The following LRRC37A2 variants were observed in gnomAD, a reference collection of about 807,000 sequenced individuals.
LRRC37A2 encodes leucine rich repeat containing 37 member A2, also known as leucine-rich repeat-containing protein 37A2.
In LRRC37A2, 9 loss-of-function variants were observed where a neutral mutation model predicts 68.8. That is an observed-to-expected ratio of 0.13 (90% confidence interval 0.08 to 0.23). The LOEUF is 0.23. Ranked by LOEUF, LRRC37A2 falls within the 10% of genes least tolerant of loss-of-function variation. The pLI, the probability that LRRC37A2 is intolerant of heterozygous loss-of-function variation, is 1.00. For missense variants in LRRC37A2, 168 were observed against 950.4 expected (o/e 0.18, Z 10.82); for synonymous variants, 63 against 367.6 (o/e 0.17, Z 9.48).
chr17:46,918,879 C>T, the LRRC37A2 span, among the ~76,000 whole-genome samples: 54,566 of 151,940 alleles, frequency 0.36, 10,028 homozygotes, highest in South Asian at 0.48. Flanking sequence ...CTTTTGTGTA[C>T]GCTGTTTCCT....
chr17:46,934,555 C>G, the LRRC37A2 span, among the ~76,000 whole-genome samples: 2 of 152,148 alleles, frequency 1.3e-5, no homozygotes, highest in African/African-American at 4.8e-5. Flanking sequence ...ACAGCCTCCT[C>G]TATCCTTAGT....
At chr17:46,827,944 G>A in the LRRC37A2 span, among the ~76,000 whole-genome samples, 1 of 151,738 alleles carries the variant, frequency 6.6e-6, no homozygotes, top group East Asian at 1.9e-4. Context: ...CAAGTAGCTG[G>A]GACTACAGGC....
the LRRC37A2 span, chr17:46,818,458 C>T: frequency 6.5e-7 from 1 of 1,543,568 alleles, no homozygotes; most frequent in Non-Finnish European, 8.8e-7. Context: ...GCCGGCGCCC[C>T]CACCTTCCCC....
At chr17:46,875,827 A>C in the LRRC37A2 span, among the ~76,000 whole-genome samples, 1 of 152,150 alleles carries the variant, frequency 6.6e-6, no homozygotes, top group African/African-American at 2.4e-5. Flanking sequence ...CAGTAGTGGG[A>C]GGTCTGGAGG....
chr17:46,796,473 A>G, the LRRC37A2 span, among the ~76,000 whole-genome samples: 1 of 152,234 alleles, frequency 6.6e-6, no homozygotes, highest in Non-Finnish European at 1.5e-5. Context: ...TTAGGGACAC[A>G]TCTGGTCTGG....
the LRRC37A2 span, among the ~76,000 whole-genome samples, chr17:46,382,386 G>T: frequency 1.6e-5 from 1 of 62,836 alleles, no homozygotes. Flanking sequence ...TTTAGAGGCT[G>T]AGTCTCACTT....
the LRRC37A2 span, among the ~76,000 whole-genome samples, chr17:46,943,178 C>T: frequency 2.6e-5 from 4 of 152,218 alleles, no homozygotes; most frequent in South Asian, 2.1e-4. Context: ...CTGGCCGCAC[C>T]GTGGGAACCA....
chr17:46,879,479 G>A, the LRRC37A2 span, among the ~76,000 whole-genome samples: 3 of 152,206 alleles, frequency 2.0e-5, no homozygotes, highest in Admixed American at 6.5e-5. Context: ...TAATGACAAC[G>A]AGAATTCCCA....
chr17:47,000,393 C>A, the LRRC37A2 span, among the ~76,000 whole-genome samples: 2 of 151,924 alleles, frequency 1.3e-5, no homozygotes, highest in Non-Finnish European at 2.9e-5. Context: ...CGCCACCATG[C>A]CTGGCTAATT....
At chr17:46,870,904 C>CT in the LRRC37A2 span, among the ~76,000 whole-genome samples, 1,720 of 78,222 alleles carry the variant, frequency 0.022, 29 homozygotes, top group African/African-American at 0.035. Flanking sequence ...TCCACCTTTG[C>CT]TTTTTTTTTT....
the LRRC37A2 span, among the ~76,000 whole-genome samples, chr17:46,760,641 AAAAAAAAAAG>A: frequency 1.3e-5 from 2 of 151,210 alleles, no homozygotes; most frequent in African/African-American, 2.4e-5. Context: ...CTCAAAAAAA[AAAAAAAAAAG>A]AAAAAAAAAG....
the LRRC37A2 span, among the ~76,000 whole-genome samples, chr17:46,615,646 A>G: frequency 3.5e-5 from 1 of 28,888 alleles, no homozygotes; most frequent in East Asian, 1.1e-3. Flanking sequence ...GAGCCAGGGA[A>G]GCAAAGGTTG....
the LRRC37A2 span, among the ~76,000 whole-genome samples, chr17:46,945,831 G>T: frequency 6.6e-6 from 1 of 152,316 alleles, no homozygotes; most frequent in South Asian, 2.1e-4. Context: ...TCACCAGGTG[G>T]TTGTGAATGT....
chr17:46,808,888 C>T, the LRRC37A2 span, among the ~76,000 whole-genome samples: 2 of 152,040 alleles, frequency 1.3e-5, no homozygotes, highest in Admixed American at 6.6e-5. Context: ...CTGCTCAGGT[C>T]GAGGGGCCCA....
the LRRC37A2 span, chr17:46,768,478 A>C: frequency 6.2e-7 from 1 of 1,614,110 alleles, no homozygotes; most frequent in Non-Finnish European, 8.5e-7. This position sits in a 1 kb window ranked among gnomAD's most constrained non-coding sequence, Gnocchi z 5.0. Context: ...ATGCCGTGGG[A>C]GGTGACATTG....
chr17:46,876,171 T>G, the LRRC37A2 span: 2 of 1,380,658 alleles, frequency 1.4e-6, no homozygotes, highest in Non-Finnish European at 2.0e-6. Context: ...CCTGCTGGGG[T>G]TGGTGCTCTG....
At chr17:46,900,370 C>A in the LRRC37A2 span, among the ~76,000 whole-genome samples, 1 of 151,798 alleles carries the variant, frequency 6.6e-6, no homozygotes, top group African/African-American at 2.4e-5. Context: ...CCTGTCTCAG[C>A]CTCCCTAGTA....
At chr17:46,811,638 C>T in the LRRC37A2 span, among the ~76,000 whole-genome samples, 3 of 152,134 alleles carry the variant, frequency 2.0e-5, no homozygotes, top group Admixed American at 6.5e-5. Context: ...CGAAGGAGAG[C>T]GTGGAGTTGC....
the LRRC37A2 span, among the ~76,000 whole-genome samples, chr17:46,958,952 G>A: frequency 6.6e-6 from 1 of 152,212 alleles, no homozygotes; most frequent in African/African-American, 2.4e-5. Context: ...AGCATGAGAT[G>A]GGAAATGCTT....
Sources: allele counts gnomAD v4.1 joint callset (sites outside exome capture counted in the v4.1 genomes callset), GRCh38; gene constraint gnomAD v4.1.1; non-coding constraint Gnocchi (gnomAD v3.1); transcripts MANE v1.5; gene names NCBI Gene and HGNC (gene_info 2026-07-23, HGNC 2026-07-21).